The following MYO10 variants were observed in gnomAD, a reference collection of about 807,000 sequenced individuals.
MYO10 encodes the protein unconventional myosin-X.
MYO10 carries 133 observed loss-of-function variants against 257.3 expected under a neutral mutation model. The ratio of observed to expected loss-of-function variants is 0.52; its 90% confidence interval spans 0.45 to 0.60. MYO10 has a LOEUF of 0.60. MYO10 is among the 20% of genes least tolerant of loss of function. The probability of loss-of-function intolerance (pLI) is 0.00; values close to 1 mark genes in which losing one functional copy is unlikely to be tolerated. For missense variants in MYO10, 2,399 were observed against 2,635.7 expected, an observed-to-expected ratio of 0.91 and a Z score of 1.97; for synonymous variants, 1,104 against 1,028.6, an observed-to-expected ratio of 1.07 and a Z score of -1.40.
chr5:16,794,896 A>C lies in MYO10; in HGVS notation c.280-63T>G, dbSNP rs1741890081. On this transcript the variant is annotated intron_variant, in intron 3 of 40. Transcript: ENST00000513610. ...AACCCAGGCCACTGGATGAGCTCCA[A>C]CAAAACCCACCGAGTGTGCGCCAGG... 5.5e-6 allele frequency: 7 copies of C among 1,273,558 alleles called. No individual in the cohort carries two copies. In the South Asian group the frequency reaches 9.8e-5, roughly 18 times the overall value. 78.9% of individuals were successfully genotyped at this position (1,273,558 alleles called of 1,614,324 possible). A position where few individuals can be genotyped will look rare whatever the true frequency, so the allele number is the denominator to read the frequency against.
At chr5:16,881,304 CAT>C (rs1744749368) in intron 1 of MYO10, among the ~76,000 whole-genome samples, 1 of 152,228 alleles carries the variant, frequency 6.6e-6, no homozygotes, top group Non-Finnish European at 1.5e-5. Context: ...CCATCCAGAA[CAT>C]ATTTTTTCAC....
chr5:16,716,912 T>TA (rs1245735972), intron 19 of MYO10, among the ~76,000 whole-genome samples: 1 of 152,168 alleles, frequency 6.6e-6, no homozygotes, highest in Non-Finnish European at 1.5e-5. Flanking sequence ...TGGCTTACTG[T>TA]AACCTCTGCC....
intron 1 of MYO10, chr5:16,916,533 C>G (rs1382801463): frequency 6.2e-6 from 1 of 162,110 alleles, no homozygotes; most frequent in African/African-American, 2.4e-5. Flanking sequence ...AGATTAAATC[C>G]AGGAAGTTTA....
rs148134219 is a variant in MYO10 at position 16,814,007 on chromosome 5, T to C, written c.279+4002A>G. ...CCTCAGTCCTCCAACTGCAAGTAACTGAATTCAGCCAACGACACAATGAGC... is the reference window on the plus strand; with the variant it reads ...CCTCAGTCCTCCAACTGCAAGTAACCGAATTCAGCCAACGACACAATGAGC... On this transcript the variant is annotated intron_variant, in intron 3 of 40. Coordinates refer to ENST00000513610, the MANE Select transcript of MYO10 (RefSeq NM_012334.3). Among the ~76,000 whole-genome samples, 11 of 152,308 alleles carry C rather than the reference T, an allele frequency of 7.2e-5. No homozygotes were observed. The East Asian group carries it at 2.1e-3, about 29-fold the overall frequency.
intron 19 of MYO10, among the ~76,000 whole-genome samples, chr5:16,742,906 A>C (rs1161099554): frequency 6.6e-6 from 1 of 152,044 alleles, no homozygotes; most frequent in East Asian, 1.9e-4. Flanking sequence ...GGACTGCCTG[A>C]GGTCGGGAGT....
chr5:16,784,212 A>G (rs1363146518), intron 4 of MYO10, among the ~76,000 whole-genome samples: 1 of 152,246 alleles, frequency 6.6e-6, no homozygotes, highest in East Asian at 1.9e-4. Context: ...AAGCTGGGAA[A>G]GATTCTTATG....
intron 1 of MYO10, among the ~76,000 whole-genome samples, chr5:16,904,694 C>G (rs1745472977): frequency 6.6e-6 from 1 of 152,076 alleles, no homozygotes; most frequent in Non-Finnish European, 1.5e-5. Context: ...CTTTGGGAGG[C>G]CGAGGCGGGC....
At chr5:16,913,005 C>T (rs1247963401) in intron 1 of MYO10, among the ~76,000 whole-genome samples, 1 of 147,698 alleles carries the variant, frequency 6.8e-6, no homozygotes, top group Non-Finnish European at 1.5e-5. Context: ...AAAAAAAAAG[C>T]CAATTCTATC....
chr5:16,823,998 T>TG (rs1742923610), intron 2 of MYO10, among the ~76,000 whole-genome samples: 1 of 152,150 alleles, frequency 6.6e-6, no homozygotes, highest in African/African-American at 2.4e-5. Context: ...CAAACTGTTC[T>TG]GTTCTAGAAG....
chr5:16,851,255 T>A (rs1743793365), intron 2 of MYO10, among the ~76,000 whole-genome samples: 1 of 152,220 alleles, frequency 6.6e-6, no homozygotes, highest in South Asian at 2.1e-4. Context: ...CCCTTCATGA[T>A]TTCACATTTT....
intron 19 of MYO10, among the ~76,000 whole-genome samples, chr5:16,719,295 G>C (rs1380880359): frequency 6.6e-6 from 1 of 152,186 alleles, no homozygotes; most frequent in African/African-American, 2.4e-5. Flanking sequence ...CATTCTTGAA[G>C]TCAGTGACAC....
At chr5:16,891,362 A>G (rs567903702) in intron 1 of MYO10, among the ~76,000 whole-genome samples, 1 of 77,684 alleles carries the variant, frequency 1.3e-5, no homozygotes, top group African/African-American at 6.4e-5. Flanking sequence ...GAAGGAAGGA[A>G]GGAAGGAAGG....
intron 30 of MYO10, among the ~76,000 whole-genome samples, chr5:16,682,676 G>C (rs964329805): frequency 1.3e-5 from 2 of 152,040 alleles, no homozygotes; most frequent in Non-Finnish European, 2.9e-5. Flanking sequence ...ACTCTTTCTT[G>C]CAAGTCTTCA....
chr5:16,765,379 T>A (rs149782445), intron 11 of MYO10, among the ~76,000 whole-genome samples: 213 of 152,278 alleles, frequency 1.4e-3, no homozygotes, highest in African/African-American at 4.9e-3. Context: ...TCCAAGTTCT[T>A]CAGTTTTGGG....
chr5:16,710,269 G>A (rs1432329715), intron 21 of MYO10, among the ~76,000 whole-genome samples: 1 of 152,126 alleles, frequency 6.6e-6, no homozygotes, highest in East Asian at 1.9e-4. Flanking sequence ...GAAGCCAAAC[G>A]AGGTTCTTGG....
intron 21 of MYO10, among the ~76,000 whole-genome samples, chr5:16,707,151 TCTTC>T (rs1166524013): frequency 1.2e-4 from 18 of 152,334 alleles, no homozygotes; most frequent in African/African-American, 4.1e-4. Flanking sequence ...GTGCCTTTAC[TCTTC>T]CTTCATCTTC....
At chr5:16,918,680 A>T (rs253385) in intron 1 of MYO10, among the ~76,000 whole-genome samples, 66,339 of 151,274 alleles carry the variant, frequency 0.44, 14,876 homozygotes, top group African/African-American at 0.51. Context: ...TTTGTATTTT[A>T]AGTAGAGACA....
chr5:16,835,015 A>G (rs934954857), intron 2 of MYO10, among the ~76,000 whole-genome samples: 2 of 152,080 alleles, frequency 1.3e-5, no homozygotes, highest in Non-Finnish European at 1.5e-5. Context: ...CTCTACTAAC[A>G]ATACAAAAAT....
intron 40 of MYO10, 22 bp from the exon 41 acceptor site, chr5:16,666,815 C>A: frequency 6.4e-7 from 1 of 1,564,760 alleles, no homozygotes; most frequent in South Asian, 1.2e-5. Context: ...GAAGCAGAAC[C>A]GACACAGCGT....
Sources: gnomAD v4.1 joint callset for allele counts (sites outside exome capture counted in the v4.1 genomes callset) on GRCh38, gnomAD v4.1.1 for gene constraint, MANE v1.5 for transcripts, NCBI Gene and HGNC (gene_info 2026-07-23, HGNC 2026-07-21) for gene names.